The following PPP3CC variants were observed in gnomAD, a reference collection of about 807,000 sequenced individuals.
PPP3CC encodes the protein protein phosphatase 3 catalytic subunit gamma.
In PPP3CC, 35 loss-of-function variants were observed where a neutral mutation model predicts 60.3. That is an observed-to-expected ratio of 0.58 (90% CI 0.44 to 0.77). The LOEUF is 0.77. Ranked by LOEUF, PPP3CC falls within the 30% of genes least tolerant of loss-of-function variation. The pLI is 0.00. For missense variants in PPP3CC, 570 were observed against 628.9 expected (o/e 0.91, Z 1.00); for synonymous variants, 206 against 224.3 (o/e 0.92, Z 0.73).
chr8:22,472,070 A>T (rs1837738763), intron 1 of PPP3CC, among the ~76,000 whole-genome samples: 1 of 152,106 alleles, frequency 6.6e-6, no homozygotes, highest in Non-Finnish European at 1.5e-5. Flanking sequence ...TTGAAGGTGC[A>T]GTGAGCCATG....
intron 12 of PPP3CC, among the ~76,000 whole-genome samples, chr8:22,538,220 G>A (rs189167492): frequency 1.1e-3 from 163 of 152,218 alleles, no homozygotes; most frequent in African/African-American, 3.6e-3. Context: ...ACATTTTACC[G>A]TGTAGCTTTT....
At chr8:22,445,184 G>A (rs912046671) in intron 1 of PPP3CC, among the ~76,000 whole-genome samples, 8 of 152,062 alleles carry the variant, frequency 5.3e-5, no homozygotes, top group East Asian at 3.9e-4. Flanking sequence ...CTTTAATATC[G>A]TGGCACTGGG....
intron 1 of PPP3CC, among the ~76,000 whole-genome samples, chr8:22,467,240 AT>A (rs1837567835): frequency 6.6e-6 from 1 of 152,188 alleles, no homozygotes; most frequent in Non-Finnish European, 1.5e-5. Context: ...GTACTTATGC[AT>A]TGAGATATTT....
rs1837749275 is a variant in PPP3CC, at chr8:22,472,348, AT to A, written c.50-2602del. On this transcript the variant is annotated intron_variant, in intron 1 of 13. Transcript: ENST00000240139. ...TAAATTTTTTTTTAACTTTTAGAAT[AT>A]TTTGGTAAAAATGAACACACACACA... Among the ~76,000 whole-genome samples the A allele has an allele frequency of 2.1e-5, 3 of 146,280 alleles. No homozygotes were observed. The South Asian group carries it at 6.6e-4, about 32-fold the overall frequency.
At chr8:22,526,511 C>T (rs1305963167) in intron 8 of PPP3CC, among the ~76,000 whole-genome samples, 1 of 151,986 alleles carries the variant, frequency 6.6e-6, no homozygotes, top group Non-Finnish European at 1.5e-5. Context: ...ATATGGTGTA[C>T]ATTTTAGACA....
intron 6 of PPP3CC, among the ~76,000 whole-genome samples, chr8:22,518,908 A>G (rs1839329591): frequency 6.6e-6 from 1 of 151,988 alleles, no homozygotes; most frequent in Non-Finnish European, 1.5e-5. Flanking sequence ...GCTGGTTTCG[A>G]ACTCCTGACC....
At chr8:22,450,726 T>G (rs1836988191) in intron 1 of PPP3CC, among the ~76,000 whole-genome samples, 1 of 152,266 alleles carries the variant, frequency 6.6e-6, no homozygotes, top group Non-Finnish European at 1.5e-5. Flanking sequence ...GTACCCTGCA[T>G]GCTAAACCTC....
intron 1 of PPP3CC, among the ~76,000 whole-genome samples, chr8:22,446,261 T>A (rs1233372130): frequency 7.1e-6 from 1 of 141,106 alleles, no homozygotes; most frequent in Non-Finnish European, 1.5e-5. Context: ...AAGCATGAGT[T>A]CACGTTCAGT....
chr8:22,506,112 T>C (rs1838909668), intron 4 of PPP3CC, among the ~76,000 whole-genome samples: 1 of 152,098 alleles, frequency 6.6e-6, no homozygotes, highest in Non-Finnish European at 1.5e-5. Flanking sequence ...GAGGGCATCT[T>C]TCAAATGGGA....
intron 3 of PPP3CC, among the ~76,000 whole-genome samples, chr8:22,495,615 A>G (rs1838545385): frequency 1.3e-5 from 2 of 151,746 alleles, no homozygotes; most frequent in Non-Finnish European, 2.9e-5. Flanking sequence ...CTGGAGTGCA[A>G]TGGCGCTATC....
chr8:22,538,445 A>G (rs1839891465), intron 12 of PPP3CC, among the ~76,000 whole-genome samples: 1 of 152,248 alleles, frequency 6.6e-6, no homozygotes, highest in African/African-American at 2.4e-5. Context: ...AGTAGATTTC[A>G]GTTATCCATT....
intron 3 of PPP3CC, chr8:22,493,047 G>GTGGAGAATTTTGATGAGGCTTCCAAGA (rs1448853840): frequency 4.3e-6 from 6 of 1,411,416 alleles, no homozygotes; most frequent in South Asian, 3.4e-5. Context: ...TCCAGCTCTT[G>GTGGAGAATTTTGATGAGGCTTCCAAGA]TGGAGAATTT....
At chr8:22,481,451 G>A (rs542326736) in intron 3 of PPP3CC, among the ~76,000 whole-genome samples, 6 of 150,926 alleles carry the variant, frequency 4.0e-5, no homozygotes, top group Non-Finnish European at 8.8e-5. Flanking sequence ...ATGTAAAAAC[G>A]TTAGTTTCCT....
At chr8:22,471,379 C>T (rs138859475) in intron 1 of PPP3CC, among the ~76,000 whole-genome samples, 7 of 151,216 alleles carry the variant, frequency 4.6e-5, no homozygotes, top group Admixed American at 1.3e-4. Context: ...GTCATGCATC[C>T]GAGAAATGTG....
chr8:22,533,642 T>G (rs981766628), intron 12 of PPP3CC, among the ~76,000 whole-genome samples: 3 of 148,144 alleles, frequency 2.0e-5, no homozygotes, highest in African/African-American at 5.0e-5. Context: ...CTGGCCAACA[T>G]GGTGAAACTC....
At chr8:22,536,376 G>C (rs996003261) in intron 12 of PPP3CC, among the ~76,000 whole-genome samples, 4 of 152,190 alleles carry the variant, frequency 2.6e-5, no homozygotes, top group Admixed American at 6.5e-5. Flanking sequence ...GCATCCTTAG[G>C]TAAACATTAT....
intron 6 of PPP3CC, among the ~76,000 whole-genome samples, chr8:22,514,978 T>C (rs1409167710): frequency 6.6e-6 from 1 of 152,176 alleles, no homozygotes; most frequent in Non-Finnish European, 1.5e-5. Flanking sequence ...GTGGCCGGCC[T>C]CTTCTAGTTA....
intron 9 of PPP3CC, among the ~76,000 whole-genome samples, 188 bp downstream of exon 9, chr8:22,527,705 A>G (rs971922064): frequency 2.7e-5 from 4 of 150,302 alleles, no homozygotes; most frequent in Non-Finnish European, 5.9e-5. Context: ...GCACGATCTC[A>G]GCTAACTACA....
intron 1 of PPP3CC, among the ~76,000 whole-genome samples, chr8:22,450,928 G>A (rs978103651): frequency 6.7e-6 from 1 of 148,168 alleles, no homozygotes; most frequent in African/African-American, 2.5e-5. Flanking sequence ...CTCCGCCTCC[G>A]GATTCACGCC....
Sources: gnomAD v4.1 joint callset for allele counts (sites outside exome capture counted in the v4.1 genomes callset) on GRCh38, gnomAD v4.1.1 for gene constraint, MANE v1.5 for transcripts, NCBI Gene and HGNC (gene_info 2026-07-23, HGNC 2026-07-21) for gene names.